NKAIN2: variants seen among roughly 807,000 people sequenced by gnomAD.
The protein encoded by NKAIN2 is sodium/potassium-transporting ATPase subunit beta-1-interacting protein 2.
A neutral mutation model predicts 32.6 loss-of-function variants in NKAIN2; 14 were observed. That is an observed-to-expected ratio of 0.43 (90% CI 0.28 to 0.67). NKAIN2 has a LOEUF of 0.67. Among genes scored for constraint, NKAIN2 ranks in the 30% least tolerant of loss-of-function variants. The pLI, the probability that NKAIN2 is intolerant of heterozygous loss-of-function variation, is 0.17. For missense variants in NKAIN2, 198 were observed against 258.3 expected, an observed-to-expected ratio of 0.77 and a Z score of 1.60; for synonymous variants, 80 against 87.2, an observed-to-expected ratio of 0.92 and a Z score of 0.46.
intron 4 of NKAIN2, among the ~76,000 whole-genome samples, chr6:124,742,661 G>C (rs970442255): frequency 6.6e-6 from 1 of 151,768 alleles, no homozygotes; most frequent in Non-Finnish European, 1.5e-5. Flanking sequence ...CAAGTCGACT[G>C]CCTTAACCTC....
chr6:124,264,404 T>C (rs1297518149), intron 1 of NKAIN2, among the ~76,000 whole-genome samples: 2 of 152,144 alleles, frequency 1.3e-5, no homozygotes, highest in African/African-American at 4.8e-5. Context: ...TTGGCAAATA[T>C]ATATTAAACT....
At chr6:124,598,500 A>G (rs1411410554) in intron 3 of NKAIN2, among the ~76,000 whole-genome samples, 1 of 152,104 alleles carries the variant, frequency 6.6e-6, no homozygotes, top group African/African-American at 2.4e-5. Context: ...TGGTAGAACC[A>G]TGCAATGGGT....
chr6:123,856,985 C>A (rs1358429161), intron 1 of NKAIN2, among the ~76,000 whole-genome samples: 1 of 152,162 alleles, frequency 6.6e-6, no homozygotes, highest in East Asian at 1.9e-4. Flanking sequence ...CTACAATAAT[C>A]AAATCTCAAT....
intron 1 of NKAIN2, among the ~76,000 whole-genome samples, chr6:124,050,909 A>G (rs979202876): frequency 6.6e-6 from 1 of 152,100 alleles, no homozygotes; most frequent in African/African-American, 2.4e-5. Flanking sequence ...CAGATGATTA[A>G]GATCTTCAAA....
intron 1 of NKAIN2, among the ~76,000 whole-genome samples, chr6:123,971,510 C>T (rs1316381060): frequency 6.6e-6 from 1 of 152,100 alleles, no homozygotes; most frequent in Non-Finnish European, 1.5e-5. Context: ...CTCTTTGTGT[C>T]AGTTTGGATG....
chr6:124,361,597 AG>A (rs1364170199), intron 3 of NKAIN2, among the ~76,000 whole-genome samples: 1 of 152,094 alleles, frequency 6.6e-6, no homozygotes, highest in African/African-American at 2.4e-5. Flanking sequence ...CACATTTAGA[AG>A]CAACTCCTAG....
At chr6:124,542,420 C>G (rs1029505632) in intron 3 of NKAIN2, among the ~76,000 whole-genome samples, 1 of 152,026 alleles carries the variant, frequency 6.6e-6, no homozygotes, top group African/African-American at 2.4e-5. Context: ...TTTTTAGCCT[C>G]AACTAAATAA....
chr6:124,257,942 G>A (rs1794030556), intron 1 of NKAIN2, among the ~76,000 whole-genome samples: 1 of 150,878 alleles, frequency 6.6e-6, no homozygotes. Context: ...CCAGCCCCCG[G>A]GTAATTTTTT....
chr6:123,872,319 G>A (rs1394671598), intron 1 of NKAIN2, among the ~76,000 whole-genome samples: 2 of 152,200 alleles, frequency 1.3e-5, no homozygotes, highest in African/African-American at 4.8e-5. Flanking sequence ...AAGCTTTGGA[G>A]ACAGTGCAGA....
intron 1 of NKAIN2, among the ~76,000 whole-genome samples, chr6:124,239,238 C>T (rs1022028345): frequency 1.3e-5 from 2 of 152,018 alleles, no homozygotes; most frequent in African/African-American, 4.8e-5. Context: ...ACAGGAGCAA[C>T]CAGATTCATA....
At chr6:124,731,592 G>A (rs1776676501) in intron 4 of NKAIN2, among the ~76,000 whole-genome samples, 1 of 148,814 alleles carries the variant, frequency 6.7e-6, no homozygotes, top group Non-Finnish European at 1.5e-5. Flanking sequence ...ATAGCAATGG[G>A]AGATATACCT....
At position 124,593,100 on chromosome 6, in the gene NKAIN2, AT is replaced by A. The variant is rs1241867996; in HGVS notation, c.274-65083del. Among the ~76,000 whole-genome samples, 3 of 151,928 alleles carry A rather than the reference AT, an allele frequency of 2.0e-5. No homozygotes were observed. In the East Asian group the frequency reaches 5.8e-4, roughly 29 times the overall value. ...AAACAAACACTTGTAAACCTTTAAT[AT>A]TTCCCCTGACAATTTTTCTACCTCA... is the stretch of plus-strand genomic sequence containing the variant. On this transcript the variant is annotated intron_variant, in intron 3 of 6. Transcript: ENST00000368417.
chr6:124,361,572 T>G (rs1799290233), intron 3 of NKAIN2, among the ~76,000 whole-genome samples: 1 of 152,100 alleles, frequency 6.6e-6, no homozygotes, highest in Non-Finnish European at 1.5e-5. Flanking sequence ...TACCTAATGT[T>G]TGTTTCAGAA....
At chr6:123,827,136 A>G (rs1031179991) in intron 1 of NKAIN2, among the ~76,000 whole-genome samples, 2 of 152,064 alleles carry the variant, frequency 1.3e-5, no homozygotes, top group South Asian at 4.1e-4. Flanking sequence ...CCATTAATCT[A>G]TCTTTTATGG....
chr6:124,529,365 A>C (rs766690878), intron 3 of NKAIN2, among the ~76,000 whole-genome samples: 2 of 152,190 alleles, frequency 1.3e-5, no homozygotes, highest in Non-Finnish European at 2.9e-5. Context: ...CATTGGCTTC[A>C]CTTAGGCAGA....
chr6:124,682,857 G>A (rs1376500336), intron 4 of NKAIN2, among the ~76,000 whole-genome samples: 1 of 152,128 alleles, frequency 6.6e-6, no homozygotes, highest in Non-Finnish European at 1.5e-5. Context: ...GGAAGGCCCA[G>A]CTAAAAAGAT....
intron 1 of NKAIN2, among the ~76,000 whole-genome samples, chr6:124,254,533 T>C (rs983207973): frequency 6.6e-6 from 1 of 152,104 alleles, no homozygotes; most frequent in Non-Finnish European, 1.5e-5. Flanking sequence ...TATTATATTA[T>C]AAAAACCAAA....
intron 3 of NKAIN2, among the ~76,000 whole-genome samples, chr6:124,371,703 A>G (rs950848713): frequency 1.3e-5 from 2 of 151,514 alleles, no homozygotes; most frequent in Admixed American, 1.3e-4. Context: ...CAAAAAAAAA[A>G]AAAAAAAAAG....
chr6:124,415,600 C>A (rs1458568607), intron 3 of NKAIN2, among the ~76,000 whole-genome samples: 1 of 152,062 alleles, frequency 6.6e-6, no homozygotes, highest in Non-Finnish European at 1.5e-5. Context: ...TACCTTCATC[C>A]CCTATTTCTC....
Sources: allele counts gnomAD v4.1 joint callset (sites outside exome capture counted in the v4.1 genomes callset), GRCh38; gene constraint gnomAD v4.1.1; transcripts MANE v1.5; gene names NCBI Gene and HGNC (gene_info 2026-07-23, HGNC 2026-07-21).